ABCC3: variants seen among roughly 807,000 people sequenced by gnomAD.
ABCC3 encodes the protein ATP binding cassette subfamily C member 3.
Under a neutral mutation model 165.3 loss-of-function variants are expected in ABCC3, and 121 were observed. That is an observed-to-expected ratio of 0.73 (90% CI 0.63 to 0.85). The LOEUF (loss-of-function observed/expected upper bound fraction) is 0.85, where lower values mean the gene tolerates loss of function less well. Ranked by LOEUF, ABCC3 falls within the 40% of genes least tolerant of loss-of-function variation. The pLI is 0.00. For synonymous variants in ABCC3, 733 were observed against 810.1 expected, an observed-to-expected ratio of 0.90 and a Z score of 1.62; for missense variants, 1,869 against 1,964.1, an observed-to-expected ratio of 0.95 and a Z score of 0.92.
rs997276177 is a variant in ABCC3, at chr17:50,686,768, G to A, written c.4281-768G>A. Among the ~76,000 whole-genome samples the A allele has an allele frequency of 7.9e-5, 12 of 152,062 alleles. No homozygotes were observed. In the East Asian group the frequency reaches 1.9e-3, roughly 24 times the overall value. On this transcript the variant is annotated intron_variant, in intron 29 of 30. Coordinates refer to ENST00000285238, the MANE Select transcript of ABCC3 (RefSeq NM_003786.4). Reference sequence around the variant, plus strand: ...CATAAATCAGCCCTGAGTTCTATCCGGCGGCTTATTCTGCTGCCAAAACCT... The same window carrying A: ...CATAAATCAGCCCTGAGTTCTATCCAGCGGCTTATTCTGCTGCCAAAACCT...
intron 19 of ABCC3, among the ~76,000 whole-genome samples, chr17:50,673,979 T>TCTTTCTTTCCTTCCTTCCTTCCTTCCTTC (rs1967725299): frequency 1.1e-3 from 2 of 1,874 alleles, no homozygotes; most frequent in Non-Finnish European, 2.8e-3. Context: ...TTTCTTTCTT[T>TCTTTCTTTCCTTCCTTCCTTCCTTCCTTC]CTCTCTCTCT....
chr17:50,675,846 G>A (rs1326523007), intron 21 of ABCC3, 37 bp from the exon 22 acceptor site: 1 of 1,610,952 alleles, frequency 6.2e-7, no homozygotes, highest in South Asian at 1.1e-5. Flanking sequence ...GGTTTATGGA[G>A]TCCCCTGTCC....
At chr17:50,672,016 G>A (rs62059747) in intron 17 of ABCC3, among the ~76,000 whole-genome samples, 24 of 151,552 alleles carry the variant, frequency 1.6e-4, no homozygotes, top group African/African-American at 3.4e-4. Context: ...GCCACCACGC[G>A]CGACCTCAGG....
chr17:50,675,424 G>A lies in ABCC3; in HGVS notation c.2662G>A (p.Asp888Asn). 3 of 1,614,058 alleles carry A rather than the reference G, an allele frequency of 1.9e-6. No individual in the cohort carries two copies. Among genetic ancestry groups the A allele is most frequent in the Non-Finnish European group, 2.5e-6 (3 of 1,179,986 alleles). Residue 888 changes from aspartate to asparagine, a missense_variant, in exon 20 of 31, where the codon GAT becomes AAT. Transcript: ENST00000285238. ...LIEDTLSNHT[D>N]LTDNDPVTYV... The stretch of plus-strand genomic sequence containing the variant: ...TGAAGACACACTCAGCAACCACACG[G>A]ATCTGACAGACAATGATCCAGTCAC...
At chr17:50,652,359 A>G (rs1414821790) in intron 1 of ABCC3, among the ~76,000 whole-genome samples, 1 of 152,234 alleles carries the variant, frequency 6.6e-6, no homozygotes, top group Non-Finnish European at 1.5e-5. Context: ...TCTTGCCCAG[A>G]TGACTAAAGC....
intron 1 of ABCC3, 104 bp from the exon 2 acceptor site, chr17:50,655,727 AC>A: frequency 9.5e-7 from 1 of 1,049,450 alleles, no homozygotes; most frequent in Non-Finnish European, 1.4e-6. Context: ...CTTCCACTCC[AC>A]CCCTGTCTCT....
intron 11 of ABCC3, among the ~76,000 whole-genome samples, chr17:50,666,890 T>G (rs938438280): frequency 6.6e-5 from 10 of 152,154 alleles, no homozygotes; most frequent in Admixed American, 4.6e-4. Flanking sequence ...AAGGAATGGT[T>G]ATGGAACAAA....
intron 1 of ABCC3, among the ~76,000 whole-genome samples, chr17:50,645,252 T>C (rs1966982266): frequency 6.7e-6 from 1 of 148,198 alleles, no homozygotes; most frequent in Non-Finnish European, 1.5e-5. Context: ...TGCACGCCCG[T>C]AATCCCAGCT....
chr17:50,666,238 G>A (rs12944018), intron 11 of ABCC3, among the ~76,000 whole-genome samples: 35,517 of 152,032 alleles, frequency 0.23, 5,031 homozygotes, highest in Middle Eastern at 0.33. Flanking sequence ...TTGGGAGGCC[G>A]AGGCAGGTGG....
chr17:50,651,066 GAA>G (rs57837230), intron 1 of ABCC3, among the ~76,000 whole-genome samples: 34 of 84,276 alleles, frequency 4.0e-4, no homozygotes, highest in African/African-American at 1.4e-3. Flanking sequence ...CTCCATCTCA[GAA>G]AAAAAAAAAA....
intron 19 of ABCC3, among the ~76,000 whole-genome samples, chr17:50,674,650 C>T (rs2146631261): frequency 6.6e-6 from 1 of 152,296 alleles, no homozygotes; most frequent in Non-Finnish European, 1.5e-5. Context: ...GCTCCCCAGC[C>T]CCCAATTCTG....
At chr17:50,636,159 CA>C (rs558746403) in intron 1 of ABCC3, among the ~76,000 whole-genome samples, 109 of 152,280 alleles carry the variant, frequency 7.2e-4, no homozygotes, top group African/African-American at 2.5e-3. Flanking sequence ...TTGTGAATCC[CA>C]ATCTCTAAGT....
At chr17:50,662,831 G>T (rs1238409603) in intron 8 of ABCC3, among the ~76,000 whole-genome samples, 1 of 152,056 alleles carries the variant, frequency 6.6e-6, no homozygotes, top group African/African-American at 2.4e-5. Flanking sequence ...TATGATTATG[G>T]CTGGAGGGCT....
chr17:50,683,469 A>G (rs921128540), intron 26 of ABCC3, 141 bp from the exon 27 acceptor site: 6 of 898,670 alleles, frequency 6.7e-6, no homozygotes, highest in Non-Finnish European at 9.3e-6. Flanking sequence ...CATTGAACAC[A>G]AGGCTGAGCC....
intron 17 of ABCC3, among the ~76,000 whole-genome samples, chr17:50,672,213 G>T (rs975869693): frequency 2.0e-5 from 3 of 152,092 alleles, no homozygotes; most frequent in Non-Finnish European, 2.9e-5. Context: ...ACTTTGGAAG[G>T]AACAAATATT....
chr17:50,642,976 C>T lies in ABCC3; in HGVS notation c.45+7995C>T, dbSNP rs187202149. Among the ~76,000 whole-genome samples, 63 of 152,358 alleles carry T rather than the reference C, an allele frequency of 4.1e-4. 1 individual carries two copies. Among genetic ancestry groups the T allele is most frequent in the South Asian group, 2.9e-3 (14 of 4,830 alleles). The stretch of plus-strand genomic sequence containing the variant: ...CTTTTGTACACTGGGCCTAACAGTG[C>T]CCCTCCTATATACCCCTGGAAGTTG... On this transcript the variant is annotated intron_variant, in intron 1 of 30. Coordinates refer to ENST00000285238, the MANE Select transcript of ABCC3 (RefSeq NM_003786.4).
intron 1 of ABCC3, among the ~76,000 whole-genome samples, chr17:50,636,544 GTGCCTT>G (rs2054181760): frequency 6.6e-6 from 1 of 152,222 alleles, no homozygotes; most frequent in Non-Finnish European, 1.5e-5. Flanking sequence ...TCCAGAGGTT[GTGCCTT>G]TGCCTCATGA....
intron 17 of ABCC3, among the ~76,000 whole-genome samples, chr17:50,672,365 T>C (rs528608161): frequency 5.3e-5 from 8 of 152,376 alleles, no homozygotes; most frequent in African/African-American, 1.4e-4. Context: ...CTTGTAAGGC[T>C]GAATGATATT....
chr17:50,653,344 C>CAAAAAA (rs1298179994), intron 1 of ABCC3, among the ~76,000 whole-genome samples: 217 of 43,628 alleles, frequency 5.0e-3, no homozygotes, highest in Non-Finnish European at 7.3e-3. Flanking sequence ...GAGACTGTCT[C>CAAAAAA]AAAAAAAAAA....
Sources: allele counts gnomAD v4.1 joint callset (sites outside exome capture counted in the v4.1 genomes callset), GRCh38; gene constraint gnomAD v4.1.1; transcripts MANE v1.5; gene names NCBI Gene and HGNC (gene_info 2026-07-23, HGNC 2026-07-21).